The following YY1 variants were observed in gnomAD, a reference collection of about 807,000 sequenced individuals.
The protein encoded by YY1 is transcriptional repressor protein YY1.
In YY1, 2 loss-of-function variants were observed where a neutral mutation model predicts 35.6. The ratio of observed to expected loss-of-function variants is 0.06; its 90% CI spans 0.02 to 0.18. The LOEUF (loss-of-function observed/expected upper bound fraction) is 0.18, where lower values mean the gene tolerates loss of function less well. YY1 is among the 10% of genes least tolerant of loss of function. The pLI is 1.00. For synonymous variants in YY1, 268 were observed against 238.9 expected, an observed-to-expected ratio of 1.12 and a Z score of -1.12; for missense variants, 322 against 573.4, an observed-to-expected ratio of 0.56 and a Z score of 4.48.
intron 2 of YY1, chr14:100,263,721 CT>C (rs967792406): frequency 3.3e-4 from 48 of 147,000 alleles, no homozygotes; most frequent in African/African-American, 3.2e-4. Flanking sequence ...GAGTGGGTTG[CT>C]TTTTTTTTTT....
chr14:100,251,455 A>C (rs1010942998), intron 1 of YY1, among the ~76,000 whole-genome samples: 1 of 152,264 alleles, frequency 6.6e-6, no homozygotes, highest in Non-Finnish European at 1.5e-5. Flanking sequence ...CTATAAGAGA[A>C]TAAATTCCTG....
chr14:100,258,743 G>GA (rs1461322541), intron 1 of YY1, among the ~76,000 whole-genome samples: 2 of 152,172 alleles, frequency 1.3e-5, no homozygotes, highest in East Asian at 3.9e-4. Flanking sequence ...TCAGTAAAAT[G>GA]AAAAAAATCT....
chr14:100,239,272 G>T lies in YY1; in HGVS notation c.28G>T (p.Ala10Ser), dbSNP rs1286455232. Reference protein sequence around the residue: MASGDTLYIATDGSEMPAEI... With the variant: MASGDTLYISTDGSEMPAEI... ...GGCCTCGGGCGACACCCTCTACATC[G>T]CCACGGACGGCTCGGAGATGCCGGC... Residue 10 changes from alanine (A) to serine (S), a missense_variant, in exon 1 of 5, where the codon GCC becomes TCC. By Grantham distance (99) the Ala-to-Ser change is moderately conservative (BLOSUM62 1). Coordinates refer to ENST00000262238, the MANE Select transcript of YY1 (RefSeq NM_003403.5). The T allele has an allele frequency of 1.3e-6, 2 of 1,583,702 alleles. No individual in the cohort carries two copies. The highest frequency in any genetic ancestry group is 1.7e-6 in the Non-Finnish European group (2 of 1,167,586).
intron 1 of YY1, among the ~76,000 whole-genome samples, chr14:100,251,606 C>G (rs1231296227): frequency 6.6e-6 from 1 of 152,188 alleles, no homozygotes; most frequent in East Asian, 1.9e-4. Context: ...ACCTACTGTT[C>G]CCCCTTAAAC....
intron 2 of YY1, among the ~76,000 whole-genome samples, chr14:100,265,936 C>T (rs1048296397): frequency 6.6e-6 from 1 of 152,148 alleles, no homozygotes; most frequent in African/African-American, 2.4e-5. Flanking sequence ...TGTGAGCCAC[C>T]GTGCCTGGCC....
intron 1 of YY1, among the ~76,000 whole-genome samples, chr14:100,258,462 G>A (rs1344746861): frequency 6.6e-6 from 1 of 152,212 alleles, no homozygotes; most frequent in East Asian, 1.9e-4. Context: ...TATCACTAGT[G>A]TTCTTTCTGA....
chr14:100,271,832 C>G (rs114394718), intron 2 of YY1, among the ~76,000 whole-genome samples: 1 of 151,902 alleles, frequency 6.6e-6, no homozygotes, highest in Admixed American at 6.6e-5. Context: ...TTTTTAGAGA[C>G]GGGGTGTTGC....
At chr14:100,251,022 A>ATAAGG (rs1890916899) in intron 1 of YY1, among the ~76,000 whole-genome samples, 1 of 152,168 alleles carries the variant, frequency 6.6e-6, no homozygotes. Context: ...GAAATAATAT[A>ATAAGG]TAAGGCCTTT....
In YY1 at chr14:100,277,310, G is replaced by A; in HGVS notation, c.1063-108G>A. The A allele has an allele frequency of 7.3e-7, 1 of 1,369,276 alleles. No individual in the cohort carries two copies. Among genetic ancestry groups the A allele is most frequent in the Non-Finnish European group, 1.0e-6 (1 of 966,384 alleles). The allele number at this position is 1,369,276 out of a possible 1,614,324, so 84.8% of individuals were successfully genotyped here. On this transcript the variant is annotated intron_variant, in intron 4 of 4. Coordinates refer to ENST00000262238, the MANE Select transcript of YY1 (RefSeq NM_003403.5). The surrounding 1 kb of genome is among the most constrained non-coding windows in gnomAD (Gnocchi z 5.6). ...AGTTCACCCAGGGCAGGAATGAAAA[G>A]TGTTTGGTAAAATAAATAGGCTGTT... is the stretch of plus-strand genomic sequence containing the variant.
At position 100,262,474 on chromosome 14, in the gene YY1, A is replaced by G. The variant is rs751538249; in HGVS notation, c.842+8A>G. The stretch of plus-strand genomic sequence containing the variant: ...ACTGGCAGAATTTGCTAGGTAAGTT[A>G]TAAGAACTTTCCTTTCTTTTAATTA... On this transcript the variant is annotated splice_region_variant and intron_variant, in intron 2 of 4. Coordinates refer to ENST00000262238, the MANE Select transcript of YY1 (RefSeq NM_003403.5). The G allele has an allele frequency of 2.2e-5, 36 of 1,613,778 alleles. No individual in the cohort carries two copies. The South Asian group carries it at 2.9e-4, about 13-fold the overall frequency.
intron 1 of YY1, among the ~76,000 whole-genome samples, chr14:100,252,150 T>TC (rs1231809646): frequency 4.6e-5 from 7 of 152,200 alleles, no homozygotes; most frequent in South Asian, 4.1e-4. Context: ...CAGGTGAGAC[T>TC]CCATCTTTTT....
At position 100,239,844 on chromosome 14, in the gene YY1, G is replaced by C. The variant is rs1043261957; in HGVS notation, c.600G>C (p.Pro200=). 2.0e-6 allele frequency: 3 copies of C among 1,504,382 alleles called. No homozygotes were observed. Among genetic ancestry groups the C allele is most frequent in the Non-Finnish European group, 2.6e-6 (3 of 1,133,096 alleles). 93.2% of individuals were successfully genotyped at this position (1,504,382 alleles called of 1,614,324 possible). The part of the protein sequence containing the change: ...AGAAGGGGAD[P]GNKKWEQKQV... ...CGGCGGGCGGCGGCGGCGCCGACCC[G>C]GGCAACAAGAAGTGGGAGCAGAAGC... is the stretch of plus-strand genomic sequence containing the variant. The change falls in exon 1 of 5, where the codon CCG becomes CCC. Residue 200 remains proline (P), a synonymous_variant. Transcript: ENST00000262238.
At chr14:100,270,145 C>T (rs1243740694) in intron 2 of YY1, among the ~76,000 whole-genome samples, 1 of 150,630 alleles carries the variant, frequency 6.6e-6, no homozygotes, top group African/African-American at 2.4e-5. Flanking sequence ...CGCCTGTAGT[C>T]CCAGCTACTC....
intron 1 of YY1, among the ~76,000 whole-genome samples, chr14:100,248,926 A>G (rs1225923182): frequency 1.3e-5 from 2 of 151,116 alleles, no homozygotes; most frequent in African/African-American, 4.9e-5. Flanking sequence ...TGACCTCATG[A>G]TCGGCCCGCC....
intron 2 of YY1, among the ~76,000 whole-genome samples, chr14:100,268,238 A>G (rs547031348): frequency 6.6e-6 from 1 of 152,262 alleles, no homozygotes; most frequent in Non-Finnish European, 1.5e-5. Flanking sequence ...TCCAAAGAGT[A>G]TTTCAGGCTC....
intron 2 of YY1, among the ~76,000 whole-genome samples, chr14:100,268,063 C>T (rs1891180621): frequency 6.6e-6 from 1 of 152,194 alleles, no homozygotes; most frequent in South Asian, 2.1e-4. Flanking sequence ...ACCACATCTT[C>T]GCTAATTACG....
intron 1 of YY1, among the ~76,000 whole-genome samples, chr14:100,252,348 C>T (rs527435384): frequency 2.6e-5 from 4 of 152,292 alleles, no homozygotes; most frequent in African/African-American, 4.8e-5. Flanking sequence ...GATGGGCCAG[C>T]GGCTTATTTA....
intron 2 of YY1, among the ~76,000 whole-genome samples, chr14:100,266,455 G>A (rs1891156613): frequency 6.6e-6 from 1 of 152,196 alleles, no homozygotes; most frequent in Non-Finnish European, 1.5e-5. Flanking sequence ...GCCATTAGGT[G>A]TTGGTGACCC....
chr14:100,273,695 A>G (rs1305594450), intron 2 of YY1, among the ~76,000 whole-genome samples: 3 of 152,122 alleles, frequency 2.0e-5, no homozygotes, highest in Admixed American at 6.6e-5. Context: ...ATGAACCATC[A>G]TGGAGGGGTG....
Sources: allele counts gnomAD v4.1 joint callset (sites outside exome capture counted in the v4.1 genomes callset), GRCh38; gene constraint gnomAD v4.1.1; non-coding constraint Gnocchi (gnomAD v3.1); transcripts MANE v1.5; gene names NCBI Gene and HGNC (gene_info 2026-07-23, HGNC 2026-07-21).